DTNBP1: variants seen among roughly 807,000 people sequenced by gnomAD.
DTNBP1 encodes dysbindin.
A neutral mutation model predicts 42.8 loss-of-function variants in DTNBP1; 35 were observed. The ratio of observed to expected loss-of-function variants is 0.82; its 90% confidence interval spans 0.63 to 1.09. The LOEUF (loss-of-function observed/expected upper bound fraction) is 1.09. DTNBP1 is among the 50% of genes least tolerant of loss of function. The pLI, the probability that DTNBP1 is intolerant of heterozygous loss-of-function variation, is 0.00. For synonymous variants in DTNBP1, 171 were observed against 162.2 expected, an observed-to-expected ratio of 1.05 and a Z score of -0.41; for missense variants, 457 against 424.2, an observed-to-expected ratio of 1.08 and a Z score of -0.68.
chr6:15,651,419 A>T (rs756299474), intron 2 of DTNBP1, 56 bp from the exon 3 acceptor site: 20 of 1,605,442 alleles, frequency 1.2e-5, no homozygotes, highest in Admixed American at 3.4e-5. Flanking sequence ...CTGAAAAAAA[A>T]AAAAAGGTAC....
intron 8 of DTNBP1, among the ~76,000 whole-genome samples, chr6:15,529,011 G>A (rs1261567525): frequency 6.6e-6 from 1 of 152,252 alleles, no homozygotes. Flanking sequence ...AAGGCCGGGT[G>A]TGGTGGCTCA....
intron 1 of DTNBP1, among the ~76,000 whole-genome samples, chr6:15,662,341 G>T (rs1761690933): frequency 6.6e-6 from 1 of 152,226 alleles, no homozygotes; most frequent in Non-Finnish European, 1.5e-5. Context: ...GGCTGTGGCC[G>T]GAGGGTGCAG....
In DTNBP1 at chr6:15,652,058, G is replaced by T. The variant is rs200968978; in HGVS notation, c.110+29C>A. The T allele has an allele frequency of 6.2e-6, 10 of 1,604,478 alleles. No homozygotes were observed. In the Admixed American group the frequency reaches 1.7e-4, roughly 27 times the overall value. On this transcript the variant is annotated intron_variant, in intron 2 of 9. Coordinates refer to ENST00000344537, the MANE Select transcript of DTNBP1 (RefSeq NM_032122.5). The stretch of plus-strand genomic sequence containing the variant: ...AAAGTTGTATGAAATTTAAGTCACA[G>T]TTAAGTTAAAATCTTAGCACAAGCT...
intron 7 of DTNBP1, among the ~76,000 whole-genome samples, chr6:15,562,949 A>G (rs1412734562): frequency 6.6e-6 from 1 of 152,172 alleles, no homozygotes. Context: ...AGCAAATCTG[A>G]TCATGTTTCC....
At chr6:15,616,094 C>A (rs531616725) in intron 5 of DTNBP1, among the ~76,000 whole-genome samples, 1 of 152,204 alleles carries the variant, frequency 6.6e-6, no homozygotes, top group African/African-American at 2.4e-5. Context: ...CCTAGAAAAA[C>A]AAATACAGTG....
At position 15,568,625 on chromosome 6, in the gene DTNBP1, CCT is replaced by C. The variant is rs372757985; in HGVS notation, c.511+24432_511+24433del. Among the ~76,000 whole-genome samples, 51 of 152,204 alleles carry C rather than the reference CCT, an allele frequency of 3.4e-4. No homozygotes were observed. The South Asian group carries it at 9.3e-3, about 28-fold the overall frequency. On this transcript the variant is annotated intron_variant, in intron 7 of 9. Coordinates refer to ENST00000344537, the MANE Select transcript of DTNBP1 (RefSeq NM_032122.5). Reference sequence around the variant, plus strand: ...TTCCACCTCCTCTACCTTTGCCACCCCTGAGTCAGCAAGACCAACTCCTCCTC... The same window carrying C: ...TTCCACCTCCTCTACCTTTGCCACCCGAGTCAGCAAGACCAACTCCTCCTC...
chr6:15,637,350 C>T (rs1192176836), intron 4 of DTNBP1, among the ~76,000 whole-genome samples: 1 of 152,156 alleles, frequency 6.6e-6, no homozygotes, highest in South Asian at 2.1e-4. Context: ...ATAGACTGAG[C>T]AAAGTTAAGT....
chr6:15,550,833 G>C (rs373892163), intron 7 of DTNBP1, among the ~76,000 whole-genome samples: 1 of 152,200 alleles, frequency 6.6e-6, no homozygotes, highest in Non-Finnish European at 1.5e-5. Flanking sequence ...CAGGGATGAC[G>C]GAAGATGGAC....
intron 3 of DTNBP1, among the ~76,000 whole-genome samples, chr6:15,646,660 T>C (rs1760696679): frequency 6.6e-6 from 1 of 151,780 alleles, no homozygotes; most frequent in Admixed American, 6.6e-5. Context: ...AGTACTAGTA[T>C]AAAAATAGAC....
intron 6 of DTNBP1, among the ~76,000 whole-genome samples, chr6:15,598,345 T>G (rs569196776): frequency 7.9e-4 from 120 of 152,286 alleles, no homozygotes; most frequent in Non-Finnish European, 1.4e-3. Context: ...CTCTAAATCC[T>G]AAACTGCCTC....
chr6:15,583,083 T>C (rs185527474), intron 7 of DTNBP1, among the ~76,000 whole-genome samples: 29 of 152,298 alleles, frequency 1.9e-4, no homozygotes, highest in African/African-American at 6.7e-4. Flanking sequence ...GAGCCTCAAG[T>C]GATCCTTCCA....
At chr6:15,613,773 G>A (rs1030104323) in intron 6 of DTNBP1, among the ~76,000 whole-genome samples, 5 of 152,166 alleles carry the variant, frequency 3.3e-5, no homozygotes, top group Admixed American at 3.3e-4. Context: ...AACCTTTTGT[G>A]AACAATTTGA....
intron 7 of DTNBP1, among the ~76,000 whole-genome samples, chr6:15,537,273 A>T (rs1212037419): frequency 6.6e-6 from 1 of 152,056 alleles, no homozygotes; most frequent in Non-Finnish European, 1.5e-5. Flanking sequence ...ACAAAAAAAA[A>T]TTAGCTGGGC....
At chr6:15,606,294 C>T (rs1214793296) in intron 6 of DTNBP1, among the ~76,000 whole-genome samples, 1 of 152,184 alleles carries the variant, frequency 6.6e-6, no homozygotes, top group Non-Finnish European at 1.5e-5. Flanking sequence ...CTGGGAACGT[C>T]CGTCAAATGA....
intron 1 of DTNBP1, among the ~76,000 whole-genome samples, chr6:15,661,371 G>C (rs1198307968): frequency 6.7e-6 from 1 of 149,876 alleles, no homozygotes; most frequent in Non-Finnish European, 1.5e-5. Context: ...AAAAGGGGGG[G>C]AGGGTGGGCC....
At chr6:15,621,472 G>C (rs564260633) in intron 5 of DTNBP1, among the ~76,000 whole-genome samples, 1 of 152,130 alleles carries the variant, frequency 6.6e-6, no homozygotes, top group Non-Finnish European at 1.5e-5. Context: ...TAATAACGTG[G>C]GGACCAGATG....
chr6:15,569,456 C>T (rs980961371), intron 7 of DTNBP1, among the ~76,000 whole-genome samples: 17 of 151,402 alleles, frequency 1.1e-4, no homozygotes, highest in African/African-American at 4.1e-4. Context: ...TCAATGATCC[C>T]CAGACATCAG....
chr6:15,617,925 A>C (rs1446200734), intron 5 of DTNBP1, among the ~76,000 whole-genome samples: 1 of 152,146 alleles, frequency 6.6e-6, no homozygotes. Context: ...AAACATCAAG[A>C]CTGAAAAGAC....
At chr6:15,580,689 T>C (rs1346207956) in intron 7 of DTNBP1, among the ~76,000 whole-genome samples, 1 of 152,202 alleles carries the variant, frequency 6.6e-6, no homozygotes. Flanking sequence ...GATTCAATTT[T>C]TTTCCCAGAA....
Sources: gnomAD v4.1 joint callset for allele counts (sites outside exome capture counted in the v4.1 genomes callset) on GRCh38, gnomAD v4.1.1 for gene constraint, MANE v1.5 for transcripts, NCBI Gene and HGNC (gene_info 2026-07-23, HGNC 2026-07-21) for gene names.